Variants in NCOA1 observed in about 807,000 individuals in gnomAD.
The protein encoded by NCOA1 is nuclear receptor coactivator 1.
Under a neutral mutation model 150.9 loss-of-function variants are expected in NCOA1, and 35 were observed. That is an observed-to-expected ratio of 0.23 (90% CI 0.18 to 0.31). The LOEUF is 0.31. NCOA1 is among the 10% of genes least tolerant of loss of function. The probability of loss-of-function intolerance (pLI) is 1.00; values close to 1 mark genes in which losing one functional copy is unlikely to be tolerated. For synonymous variants in NCOA1, 590 were observed against 630.0 expected, an observed-to-expected ratio of 0.94 and a Z score of 0.95; for missense variants, 1,491 against 1,749.3, an observed-to-expected ratio of 0.85 and a Z score of 2.63.
At chr2:24,761,073 C>G (rs1029656687) in intron 21 of NCOA1, among the ~76,000 whole-genome samples, 3 of 152,152 alleles carry the variant, frequency 2.0e-5, no homozygotes, top group Non-Finnish European at 4.4e-5. Context: ...GTCTCAAACC[C>G]CTGACCTCAG....
intron 14 of NCOA1, among the ~76,000 whole-genome samples, chr2:24,713,505 C>T (rs930114704): frequency 3.3e-5 from 5 of 152,078 alleles, no homozygotes; most frequent in Admixed American, 1.3e-4. Context: ...CAGGAATTTT[C>T]AAAGGTAATA....
At position 24,707,615 on chromosome 2, in the gene NCOA1, A is replaced by G. The variant is rs1193268496; in HGVS notation, c.2145A>G (p.Ala715=). The change falls in exon 13 of 23, where the codon GCA becomes GCG. Residue 715 remains alanine, a synonymous_variant. Transcript: ENST00000348332. ...LSVEPDKKDS[A]STSVSVTGQV... ...TCGAGCCTGATAAAAAGGACAGTGC[A>G]TCTACTTCTGTGTCAGTGACTGGAC... is the stretch of plus-strand genomic sequence containing the variant. 2.5e-6 allele frequency: 4 copies of G among 1,614,218 alleles called. No individual in the cohort carries two copies. Among genetic ancestry groups the G allele is most frequent in the Non-Finnish European group, 3.4e-6 (4 of 1,180,022 alleles).
At chr2:24,676,486 G>C (rs991787418) in intron 7 of NCOA1, 1 of 152,312 alleles carries the variant, frequency 6.6e-6, no homozygotes, top group African/African-American at 2.4e-5. Flanking sequence ...AAGCTCCATT[G>C]AAAGGACAGC....
intron 1 of NCOA1, among the ~76,000 whole-genome samples, chr2:24,518,100 G>A (rs1427942499): frequency 1.3e-5 from 2 of 152,008 alleles, no homozygotes; most frequent in African/African-American, 2.4e-5. Context: ...CAAAATTTTA[G>A]CAAGTCAAAT....
At chr2:24,522,543 C>T (rs917150629) in intron 1 of NCOA1, among the ~76,000 whole-genome samples, 25 of 152,152 alleles carry the variant, frequency 1.6e-4, no homozygotes, top group Non-Finnish European at 7.4e-5. Context: ...AAAGAGCGTA[C>T]ACCAGAGTGT....
intron 17 of NCOA1, 143 bp downstream of exon 17, chr2:24,729,958 G>A: frequency 2.5e-6 from 2 of 796,068 alleles, no homozygotes; most frequent in Non-Finnish European, 3.9e-6. Context: ...CAATTCTCCT[G>A]CCTCAGACTC....
intron 3 of NCOA1, among the ~76,000 whole-genome samples, chr2:24,639,654 C>T (rs907758002): frequency 6.6e-6 from 1 of 151,298 alleles, no homozygotes; most frequent in East Asian, 1.9e-4. Context: ...TTTGGGAGGC[C>T]GAGGCAGGTG....
chr2:24,659,702 A>G lies in NCOA1; in HGVS notation c.89+936A>G, dbSNP rs530162990. Reference sequence around the variant, plus strand: ...CCACTCATCTTCTAGGATTTAGAGGAAAGTTTTTCAAACTCCACACTATTG... The same window carrying G: ...CCACTCATCTTCTAGGATTTAGAGGGAAGTTTTTCAAACTCCACACTATTG... On this transcript the variant is annotated intron_variant, in intron 5 of 22. Transcript: ENST00000348332. Among the ~76,000 whole-genome samples, 20 of 152,300 alleles carry G rather than the reference A, an allele frequency of 1.3e-4. No individual in the cohort carries two copies. The South Asian group carries it at 3.9e-3, about 30-fold the overall frequency.
chr2:24,520,000 A>G (rs1182521754), intron 1 of NCOA1, among the ~76,000 whole-genome samples: 1 of 152,244 alleles, frequency 6.6e-6, no homozygotes, highest in Non-Finnish European at 1.5e-5. Flanking sequence ...ATGATGGATG[A>G]ACACATCAAA....
At chr2:24,639,938 A>G (rs959556194) in intron 3 of NCOA1, among the ~76,000 whole-genome samples, 1,796 of 26,896 alleles carry the variant, frequency 0.067, 205 homozygotes, top group African/African-American at 0.12. Context: ...ATATATATAT[A>G]TATATATATA....
chr2:24,707,894 T>C lies in NCOA1; in HGVS notation c.2418+6T>C. ...AACTGGAGGCCCAGAGCCAGGTGGG[T>C]AACTGCTTGCTTCACAGAATGGTCA... On this transcript the variant is annotated splice_donor_region_variant and intron_variant, in intron 13 of 22. Transcript: ENST00000348332. 6.3e-7 allele frequency: 1 copy of C among 1,575,632 alleles called. No individual in the cohort carries two copies.
intron 2 of NCOA1, among the ~76,000 whole-genome samples, chr2:24,573,861 A>G (rs1449739146): frequency 6.8e-6 from 1 of 146,848 alleles, no homozygotes; most frequent in Non-Finnish European, 1.5e-5. Flanking sequence ...CTGAAATGAG[A>G]TTCAGGCTAA....
At chr2:24,704,150 G>T (rs958428311) in intron 11 of NCOA1, among the ~76,000 whole-genome samples, 4 of 151,992 alleles carry the variant, frequency 2.6e-5, no homozygotes, top group Admixed American at 6.6e-5. Flanking sequence ...ATCTTAATTT[G>T]CTTACTAAAC....
intron 3 of NCOA1, among the ~76,000 whole-genome samples, chr2:24,605,506 T>C (rs1572479921): frequency 1.3e-5 from 2 of 152,228 alleles, no homozygotes; most frequent in East Asian, 3.8e-4. Flanking sequence ...ATTGATACAT[T>C]GTTTTTTTCT....
At chr2:24,663,074 T>TG (rs1671259782) in intron 5 of NCOA1, among the ~76,000 whole-genome samples, 1 of 151,998 alleles carries the variant, frequency 6.6e-6, no homozygotes, top group African/African-American at 2.4e-5. Context: ...GGATTACAGA[T>TG]GCGAGCTGCT....
At chr2:24,700,835 C>T (rs1266095371) in intron 11 of NCOA1, among the ~76,000 whole-genome samples, 2 of 152,132 alleles carry the variant, frequency 1.3e-5, no homozygotes, top group African/African-American at 4.8e-5. Flanking sequence ...GAATCAGAGT[C>T]TATAGTCTAA....
chr2:24,660,672 A>C (rs1233329001), intron 5 of NCOA1, among the ~76,000 whole-genome samples: 2 of 152,210 alleles, frequency 1.3e-5, no homozygotes, highest in African/African-American at 4.8e-5. Flanking sequence ...TTCTACAAAT[A>C]CATTCCCTAG....
chr2:24,631,403 A>G (rs1476722312), intron 3 of NCOA1, among the ~76,000 whole-genome samples: 1 of 152,196 alleles, frequency 6.6e-6, no homozygotes, highest in Admixed American at 6.5e-5. Context: ...ATCTTCTCCA[A>G]TTTTAAATAA....
At chr2:24,555,694 A>C (rs1223995792) in intron 1 of NCOA1, among the ~76,000 whole-genome samples, 2 of 152,158 alleles carry the variant, frequency 1.3e-5, no homozygotes, top group Non-Finnish European at 2.9e-5. Context: ...GATTCTTTGT[A>C]ATTACATAGT....
Sources: allele counts gnomAD v4.1 joint callset (sites outside exome capture counted in the v4.1 genomes callset), GRCh38; gene constraint gnomAD v4.1.1; transcripts MANE v1.5; gene names NCBI Gene and HGNC (gene_info 2026-07-23, HGNC 2026-07-21).